UNC5C: variants seen among roughly 807,000 people sequenced by gnomAD.
The protein encoded by UNC5C is netrin receptor UNC5C.
In UNC5C, 47 loss-of-function variants were observed where a neutral mutation model predicts 99.8. The ratio of observed to expected loss-of-function variants is 0.47; its 90% confidence interval spans 0.37 to 0.60. The LOEUF (loss-of-function observed/expected upper bound fraction) is 0.60. Among genes scored for constraint, UNC5C ranks in the 20% least tolerant of loss-of-function variants. The pLI is 0.00. For synonymous variants in UNC5C, 487 were observed against 452.2 expected (o/e 1.08, Z -0.98); for missense variants, 1,062 against 1,165.9 (o/e 0.91, Z 1.30).
At chr4:95,492,624 T>C (rs1485608) in intron 1 of UNC5C, among the ~76,000 whole-genome samples, 1 of 150,986 alleles carries the variant, frequency 6.6e-6, no homozygotes, top group Non-Finnish European at 1.5e-5. Flanking sequence ...ATGTAATAAT[T>C]CCACACAAAA....
At chr4:95,176,501 C>T (rs1047754235) in intron 14 of UNC5C, among the ~76,000 whole-genome samples, 51 of 152,212 alleles carry the variant, frequency 3.4e-4, no homozygotes, top group African/African-American at 1.1e-3. Context: ...AATACCTGGC[C>T]GTGTGAGGTG....
chr4:95,406,851 T>C (rs1579389071), intron 1 of UNC5C, among the ~76,000 whole-genome samples: 1 of 152,356 alleles, frequency 6.6e-6, no homozygotes, highest in Non-Finnish European at 1.5e-5. Context: ...CACTTCAAAC[T>C]ATATTTTCAA....
intron 1 of UNC5C, among the ~76,000 whole-genome samples, chr4:95,489,394 G>A (rs767007195): frequency 6.6e-6 from 1 of 151,646 alleles, no homozygotes; most frequent in Non-Finnish European, 1.5e-5. Context: ...GCAGAGAGAA[G>A]TGGGATGATA....
chr4:95,229,002 G>A (rs146664402), intron 7 of UNC5C, among the ~76,000 whole-genome samples: 2 of 152,178 alleles, frequency 1.3e-5, no homozygotes, highest in Non-Finnish European at 2.9e-5. Flanking sequence ...TAATCACATT[G>A]CATTTGGCAT....
intron 1 of UNC5C, among the ~76,000 whole-genome samples, chr4:95,507,626 C>T (rs779419187): frequency 2.0e-5 from 3 of 151,992 alleles, no homozygotes; most frequent in African/African-American, 7.2e-5. Flanking sequence ...TGAAAAAATT[C>T]GTAGCCTCCC....
At chr4:95,258,668 A>G (rs1740097242) in intron 4 of UNC5C, among the ~76,000 whole-genome samples, 1 of 151,810 alleles carries the variant, frequency 6.6e-6, no homozygotes, top group Non-Finnish European at 1.5e-5. Flanking sequence ...TTACACGGCA[A>G]TATTAGAATG....
intron 1 of UNC5C, among the ~76,000 whole-genome samples, chr4:95,460,468 T>C (rs1224686579): frequency 6.6e-6 from 1 of 152,160 alleles, no homozygotes; most frequent in Non-Finnish European, 1.5e-5. Context: ...TGCTGGGAGA[T>C]AACTGAATAC....
intron 4 of UNC5C, among the ~76,000 whole-genome samples, chr4:95,259,067 A>G (rs1740122454): frequency 6.6e-6 from 1 of 152,194 alleles, no homozygotes; most frequent in African/African-American, 2.4e-5. Context: ...GGCCTCGACC[A>G]TCTTATTCTA....
At chr4:95,484,762 C>G (rs13134684) in intron 1 of UNC5C, among the ~76,000 whole-genome samples, 1 of 151,602 alleles carries the variant, frequency 6.6e-6, no homozygotes. Context: ...TAGCCTGTTC[C>G]GAAGAAATCA....
At chr4:95,171,732 A>G (rs368052437) in intron 14 of UNC5C, among the ~76,000 whole-genome samples, 1 of 151,630 alleles carries the variant, frequency 6.6e-6, no homozygotes, top group African/African-American at 2.4e-5. Context: ...AGCATGATTT[A>G]TAGTCCTTTG....
chr4:95,532,663 T>G (rs1722680365), intron 1 of UNC5C, among the ~76,000 whole-genome samples: 1 of 152,120 alleles, frequency 6.6e-6, no homozygotes, highest in African/African-American at 2.4e-5. Flanking sequence ...GAATTAACAC[T>G]TGTTCATAGC....
intron 1 of UNC5C, among the ~76,000 whole-genome samples, chr4:95,398,174 C>T (rs1021144379): frequency 1.3e-5 from 2 of 150,964 alleles, no homozygotes; most frequent in South Asian, 4.2e-4. Context: ...CCATGCTTAT[C>T]ATCCAAACCA....
intron 1 of UNC5C, among the ~76,000 whole-genome samples, chr4:95,441,757 T>C (rs2149463745): frequency 6.6e-6 from 1 of 152,346 alleles, no homozygotes; most frequent in South Asian, 2.1e-4. Flanking sequence ...TACAGATGAA[T>C]TAAGTGAGGC....
At chr4:95,532,589 T>C (rs970493677) in intron 1 of UNC5C, among the ~76,000 whole-genome samples, 2 of 151,626 alleles carry the variant, frequency 1.3e-5, no homozygotes, top group Non-Finnish European at 1.5e-5. Flanking sequence ...AAAAGAAGAG[T>C]GCTCCTGTGA....
chr4:95,370,492 C>A (rs781418383), intron 1 of UNC5C, among the ~76,000 whole-genome samples: 5 of 152,104 alleles, frequency 3.3e-5, no homozygotes, highest in African/African-American at 4.8e-5. Context: ...ATATTCCTGG[C>A]CACAGTTGGG....
chr4:95,205,630 T>C (rs1181099035), intron 11 of UNC5C, among the ~76,000 whole-genome samples: 1 of 152,106 alleles, frequency 6.6e-6, no homozygotes, highest in Non-Finnish European at 1.5e-5. Context: ...ACTTTGCATA[T>C]TATAACTTCC....
chr4:95,525,096 G>C (rs759380240), intron 1 of UNC5C, among the ~76,000 whole-genome samples: 68 of 152,146 alleles, frequency 4.5e-4, no homozygotes, highest in Non-Finnish European at 8.2e-4. Context: ...ACTGCACACA[G>C]AGTTGATGGG....
rs540925009 is a variant in UNC5C at position 95,165,968 on chromosome 4, A to G, written c.*3266T>C. ...TGAGATGAGTGATGCAAATGAAAAA[A>G]AAGTGAGAATAAGAAAATTATAAAT... On this transcript the variant is annotated 3_prime_UTR_variant, in exon 16 of 16. Transcript: ENST00000453304. The G allele has an allele frequency of 6.6e-6, 1 of 152,342 alleles. No homozygotes were observed. The highest frequency in any genetic ancestry group is 6.5e-5 in the Admixed American group (1 of 15,306). The allele number at this position is 152,342 out of a possible 1,614,324, so 9.4% of individuals were successfully genotyped here.
chr4:95,503,300 G>A (rs182014964), intron 1 of UNC5C, among the ~76,000 whole-genome samples: 3 of 151,926 alleles, frequency 2.0e-5, no homozygotes, highest in Non-Finnish European at 4.4e-5. Flanking sequence ...GAAAGTTGCC[G>A]GTACCTTAAT....
Sources: allele counts gnomAD v4.1 joint callset (sites outside exome capture counted in the v4.1 genomes callset), GRCh38; gene constraint gnomAD v4.1.1; transcripts MANE v1.5; gene names NCBI Gene and HGNC (gene_info 2026-07-23, HGNC 2026-07-21).